Variants in ZGRF1 observed in about 807,000 individuals in gnomAD.
ZGRF1 encodes the protein 5'-3' DNA helicase ZGRF1.
In ZGRF1, 196 loss-of-function variants were observed where a neutral mutation model predicts 203.5. That is an observed-to-expected ratio of 0.96 (90% CI 0.86 to 1.08). ZGRF1 has a LOEUF of 1.08. ZGRF1 is among the 50% of genes least tolerant of loss of function. ZGRF1 has a pLI of 0.00. For synonymous variants in ZGRF1, 809 were observed against 841.3 expected (o/e 0.96, Z 0.66); for missense variants, 2,326 against 2,416.3 (o/e 0.96, Z 0.78).
chr4:112,588,291 G>T (rs973505658), intron 11 of ZGRF1, among the ~76,000 whole-genome samples: 5 of 151,930 alleles, frequency 3.3e-5, no homozygotes, highest in African/African-American at 1.2e-4. Flanking sequence ...GATTACAAAG[G>T]CTTAGCAGTA....
intron 11 of ZGRF1, 193 bp downstream of exon 11, chr4:112,589,531 G>GGAATATCCCTT: frequency 1.7e-6 from 1 of 574,350 alleles, no homozygotes; most frequent in Non-Finnish European, 3.1e-6. Flanking sequence ...GAACTAGATA[G>GGAATATCCCTT]CTAGAAGGGA....
At chr4:112,605,034 T>G (rs1252487666) in intron 9 of ZGRF1, among the ~76,000 whole-genome samples, 1 of 152,222 alleles carries the variant, frequency 6.6e-6, no homozygotes, top group African/African-American at 2.4e-5. Context: ...GAAAATATTC[T>G]TCTGAATTTA....
intron 9 of ZGRF1, among the ~76,000 whole-genome samples, chr4:112,605,292 C>T (rs1235467325): frequency 2.0e-5 from 3 of 152,102 alleles, no homozygotes; most frequent in Non-Finnish European, 4.4e-5. Flanking sequence ...TCCAGAGTAG[C>T]TGGGACTACA....
At chr4:112,629,190 T>C (rs1372925426) in intron 3 of ZGRF1, among the ~76,000 whole-genome samples, 2 of 152,224 alleles carry the variant, frequency 1.3e-5, no homozygotes, top group African/African-American at 2.4e-5. Flanking sequence ...TTCATTGATA[T>C]GATAACTCCA....
Position 112,554,763 on chromosome 4 carries a change from C to A in ZGRF1, c.5140G>T (p.Glu1714Ter). The A allele has an allele frequency of 6.5e-7, 1 of 1,536,814 alleles. No individual in the cohort carries two copies. The highest frequency in any genetic ancestry group is 8.8e-7 in the Non-Finnish European group (1 of 1,134,042). Residue 1714 changes from glutamate (E) to a stop codon, truncating the protein, a stop_gained, in exon 21 of 28, where the codon GAA (glutamate) becomes TAA (stop). Transcript: ENST00000505019. LOFTEE classifies it high-confidence loss of function. ...ACACTCCCAACTCTGATAAAGTTTTCAAATCCAAGACTGAGAAGCCTTTAA... is the reference window on the plus strand; with the variant it reads ...ACACTCCCAACTCTGATAAAGTTTTAAAATCCAAGACTGAGAAGCCTTTAA... ...VLLGLLSLGF[E>*]NFIRVGSVRK...
intron 13 of ZGRF1, among the ~76,000 whole-genome samples, 185 bp from the exon 14 acceptor site, chr4:112,585,910 A>G (rs1207301799): frequency 6.6e-6 from 1 of 152,030 alleles, no homozygotes; most frequent in Non-Finnish European, 1.5e-5. Context: ...TAGTTAAAAA[A>G]AAAAAAAAAA....
intron 10 of ZGRF1, among the ~76,000 whole-genome samples, chr4:112,597,705 C>G (rs1325163296): frequency 6.6e-6 from 1 of 151,262 alleles, no homozygotes; most frequent in Non-Finnish European, 1.5e-5. Flanking sequence ...ATGGAGAAAC[C>G]CTGTCTCTAC....
At chr4:112,595,331 G>A (rs923323739) in intron 10 of ZGRF1, among the ~76,000 whole-genome samples, 1 of 152,094 alleles carries the variant, frequency 6.6e-6, no homozygotes, top group Non-Finnish European at 1.5e-5. Flanking sequence ...CTGTTTAAAT[G>A]TCTTCAAAAG....
At chr4:112,558,713 TTTAA>T (rs1480677181) in intron 19 of ZGRF1, among the ~76,000 whole-genome samples, 4 of 152,228 alleles carry the variant, frequency 2.6e-5, no homozygotes, top group African/African-American at 4.8e-5. Flanking sequence ...CCCTCCTCCA[TTTAA>T]TTAATTAATG....
In ZGRF1 at chr4:112,585,691, T is replaced by A. The variant is rs746496103; in HGVS notation, c.3951A>T (p.Gln1317His). The change falls in exon 14 of 28, where the codon CAA (glutamine) becomes CAT (histidine). Residue 1317 changes from glutamine (Q) to histidine (H), a missense_variant. By Grantham distance (24) the Gln-to-His change is conservative. Coordinates refer to ENST00000505019, the MANE Select transcript of ZGRF1 (RefSeq NM_018392.5). ...HLNILLFGLAQNLQKALSKVD... is the reference protein window; with the variant it reads ...HLNILLFGLAHNLQKALSKVD... ...CTTTTGAAAGAGCTTTCTGCAGGTT[T>A]TGTGCTAACCCAAACAGCAATATAT... 6.2e-7 allele frequency: 1 copy of A among 1,606,656 alleles called. No individual in the cohort carries two copies. The highest frequency in any genetic ancestry group is 2.2e-5 in the East Asian group (1 of 44,544).
At chr4:112,589,690 T>A in intron 11 of ZGRF1, 34 bp downstream of exon 11, 1 of 1,586,568 alleles carries the variant, frequency 6.3e-7, no homozygotes. Context: ...CTTAAATGAA[T>A]AGACAGATAT....
chr4:112,632,378 T>C (rs2047440222), intron 2 of ZGRF1, among the ~76,000 whole-genome samples: 1 of 152,128 alleles, frequency 6.6e-6, no homozygotes, highest in South Asian at 2.1e-4. Context: ...GGAAAAAAAT[T>C]ACTGGATTAC....
intron 6 of ZGRF1, among the ~76,000 whole-genome samples, chr4:112,615,502 G>A (rs2046835651): frequency 6.6e-6 from 1 of 152,028 alleles, no homozygotes; most frequent in Admixed American, 6.5e-5. Flanking sequence ...GGGATTACAG[G>A]CATGAGCCAC....
Position 112,539,896 on chromosome 4 carries a change from G to T in ZGRF1, c.6139C>A (p.Gln2047Lys). Residue 2047 changes from glutamine to lysine, a missense_variant, in exon 27 of 28, where the codon CAA becomes AAA. Gln to Lys is a moderately conservative substitution (Grantham distance 53). Transcript: ENST00000505019. Reference protein sequence around the residue: ...VGNLACLRKNQLWGRVIQHCE... With the variant: ...VGNLACLRKNKLWGRVIQHCE... Reference sequence around the variant, plus strand: ...TGTTGGATCACTCGTCCCCAAAGTTGATTTTTCCTCAAACAGGCTAAATTT... The same window carrying T: ...TGTTGGATCACTCGTCCCCAAAGTTTATTTTTCCTCAAACAGGCTAAATTT... The T allele has an allele frequency of 6.2e-7, 1 of 1,613,790 alleles. No individual in the cohort carries two copies. The highest frequency in any genetic ancestry group is 1.1e-5 in the South Asian group (1 of 91,058).
At chr4:112,615,389 G>A (rs776611718) in intron 6 of ZGRF1, among the ~76,000 whole-genome samples, 10 of 151,488 alleles carry the variant, frequency 6.6e-5, no homozygotes, top group Non-Finnish European at 1.0e-4. Context: ...CACCACACCC[G>A]ACTAATTTTT....
At chr4:112,595,498 G>A (rs149311052) in intron 10 of ZGRF1, among the ~76,000 whole-genome samples, 19 of 152,198 alleles carry the variant, frequency 1.2e-4, no homozygotes, top group East Asian at 3.9e-4. Flanking sequence ...CAAAAGGATC[G>A]CTTGAGGATA....
intron 3 of ZGRF1, among the ~76,000 whole-genome samples, chr4:112,625,195 G>A (rs1263464158): frequency 2.0e-5 from 3 of 152,182 alleles, no homozygotes; most frequent in Non-Finnish European, 2.9e-5. Context: ...AAGCTAAGGC[G>A]GAAGGATTGT....
rs375890866 is a variant in ZGRF1 at position 112,564,901 on chromosome 4, G to T, written c.4439-1627C>A. 1.2e-3 allele frequency: 769 copies of T among 659,428 alleles called. 13 individuals carry two copies. In the East Asian group the frequency reaches 0.017, roughly 14 times the overall value. 40.8% of individuals were successfully genotyped at this position (659,428 alleles called of 1,614,324 possible). A position where few individuals can be genotyped will look rare whatever the true frequency, so the allele number is the denominator to read the frequency against. ...TTGTGTTCGCAGCCGCCACCGCGCC[G>T]CCGTCGCTCTCCAACGCCAGCGCCG... On this transcript the variant is annotated intron_variant, in intron 16 of 27. Coordinates refer to ENST00000505019, the MANE Select transcript of ZGRF1 (RefSeq NM_018392.5).
At chr4:112,553,229 GC>G (rs1177346103) in intron 22 of ZGRF1, among the ~76,000 whole-genome samples, 1 of 152,184 alleles carries the variant, frequency 6.6e-6, no homozygotes, top group African/African-American at 2.4e-5. Flanking sequence ...ATAGGAGGAA[GC>G]TGCTGATTGA....
Sources: allele counts gnomAD v4.1 joint callset (sites outside exome capture counted in the v4.1 genomes callset), GRCh38; gene constraint gnomAD v4.1.1; transcripts MANE v1.5; gene names NCBI Gene and HGNC (gene_info 2026-07-23, HGNC 2026-07-21).